DKK2: variants seen among roughly 807,000 people sequenced by gnomAD.
DKK2 encodes the protein dickkopf Wnt signaling pathway inhibitor 2, also known as dickkopf-related protein 2.
DKK2 carries 11 observed loss-of-function variants against 28.1 expected under a neutral mutation model. The ratio of observed to expected loss-of-function variants is 0.39; its 90% CI spans 0.25 to 0.65. The LOEUF is 0.65. DKK2 is among the 30% of genes least tolerant of loss of function. The pLI is 0.47. For synonymous variants in DKK2, 135 were observed against 126.5 expected (o/e 1.07, Z -0.45); for missense variants, 326 against 335.5 (o/e 0.97, Z 0.22).
intron 1 of DKK2, among the ~76,000 whole-genome samples, chr4:106,939,685 A>C (rs962082804): frequency 6.6e-6 from 1 of 152,230 alleles, no homozygotes; most frequent in Non-Finnish European, 1.5e-5. Context: ...AGCTGGAGGC[A>C]TCACACTACC....
intron 1 of DKK2, among the ~76,000 whole-genome samples, chr4:106,940,035 G>C (rs1196006373): frequency 6.6e-6 from 1 of 152,116 alleles, no homozygotes; most frequent in Non-Finnish European, 1.5e-5. Flanking sequence ...ATACCATTCA[G>C]GACATAGGCA....
intron 1 of DKK2, 25 bp downstream of exon 1, chr4:107,035,345 A>G (rs768196590): frequency 3.7e-6 from 6 of 1,612,750 alleles, no homozygotes; most frequent in African/African-American, 1.3e-5. Context: ...TTCTGTCTGA[A>G]GAATGTGTTT....
At chr4:107,012,188 T>C (rs1395109246) in intron 1 of DKK2, among the ~76,000 whole-genome samples, 1 of 151,372 alleles carries the variant, frequency 6.6e-6, no homozygotes, top group African/African-American at 2.4e-5. Context: ...AGGAAAAGTT[T>C]AAACACAGAT....
intron 1 of DKK2, among the ~76,000 whole-genome samples, chr4:106,970,251 A>G (rs1722851799): frequency 6.6e-6 from 1 of 152,072 alleles, no homozygotes; most frequent in South Asian, 2.1e-4. Context: ...ACTGTGTGGG[A>G]TTGTTTAATT....
intron 1 of DKK2, among the ~76,000 whole-genome samples, chr4:107,002,644 T>A (rs1723375985): frequency 6.6e-6 from 1 of 152,156 alleles, no homozygotes; most frequent in African/African-American, 2.4e-5. Context: ...GAGTCAAAAG[T>A]AAATTTGGTA....
chr4:106,995,717 A>G (rs1250969805), intron 1 of DKK2, among the ~76,000 whole-genome samples: 1 of 152,060 alleles, frequency 6.6e-6, no homozygotes, highest in African/African-American at 2.4e-5. Flanking sequence ...GGTTCAAGCG[A>G]TTCTCCTGCC....
At chr4:107,026,645 A>G (rs1723784877) in intron 1 of DKK2, among the ~76,000 whole-genome samples, 1 of 152,212 alleles carries the variant, frequency 6.6e-6, no homozygotes, top group Non-Finnish European at 1.5e-5. Context: ...AGACCAGAGC[A>G]CAGAATGAAT....
At chr4:107,012,831 T>C (rs7680108) in intron 1 of DKK2, among the ~76,000 whole-genome samples, 4,164 of 151,286 alleles carry the variant, frequency 0.028, 190 homozygotes, top group African/African-American at 0.093. Flanking sequence ...CCTTGACTCC[T>C]ATCTGCAGGT....
At chr4:106,951,702 A>G (rs1036552468) in intron 1 of DKK2, among the ~76,000 whole-genome samples, 1 of 152,170 alleles carries the variant, frequency 6.6e-6, no homozygotes, top group African/African-American at 2.4e-5. Flanking sequence ...TCTTGACAAT[A>G]AAGGTAAACA....
intron 1 of DKK2, among the ~76,000 whole-genome samples, chr4:106,995,444 T>C (rs1309408711): frequency 6.6e-6 from 1 of 152,202 alleles, no homozygotes; most frequent in East Asian, 1.9e-4. Flanking sequence ...TGAAATAAGA[T>C]ACACAGAACA....
intron 1 of DKK2, among the ~76,000 whole-genome samples, chr4:106,962,870 T>G (rs986008981): frequency 4.6e-5 from 7 of 151,684 alleles, no homozygotes; most frequent in Non-Finnish European, 1.0e-4. Flanking sequence ...GATAAAGGAT[T>G]AAAACCAGAA....
intron 1 of DKK2, among the ~76,000 whole-genome samples, chr4:106,994,513 A>C (rs1418150712): frequency 6.6e-6 from 1 of 151,868 alleles, no homozygotes; most frequent in African/African-American, 2.4e-5. Context: ...ACACACACAC[A>C]CACACATAGG....
chr4:106,953,163 G>C (rs993077687), intron 1 of DKK2, among the ~76,000 whole-genome samples: 16 of 152,126 alleles, frequency 1.1e-4, no homozygotes, highest in African/African-American at 3.1e-4. Flanking sequence ...TCAACTCCTT[G>C]TTCAAATTTT....
intron 1 of DKK2, among the ~76,000 whole-genome samples, chr4:106,987,435 C>T (rs147665351): frequency 1.5e-4 from 23 of 152,274 alleles, no homozygotes; most frequent in African/African-American, 4.8e-4. Context: ...ACCCACGTCC[C>T]TTTCTTGTGT....
intron 1 of DKK2, among the ~76,000 whole-genome samples, chr4:106,965,665 T>C (rs559411048): frequency 3.8e-4 from 57 of 151,282 alleles, no homozygotes; most frequent in Non-Finnish European, 1.9e-4. Flanking sequence ...TACATATGTA[T>C]ACATGTGCCA....
chr4:106,967,367 G>A (rs532620664), intron 1 of DKK2, among the ~76,000 whole-genome samples: 2 of 152,226 alleles, frequency 1.3e-5, no homozygotes, highest in African/African-American at 4.8e-5. Flanking sequence ...TAAACCTGAA[G>A]GATACCTAGG....
At chr4:106,971,935 C>A (rs1560583217) in intron 1 of DKK2, among the ~76,000 whole-genome samples, 1 of 152,034 alleles carries the variant, frequency 6.6e-6, no homozygotes, top group Non-Finnish European at 1.5e-5. Context: ...TCTTTTTCCA[C>A]TCCTGAAAAT....
At chr4:106,943,162 C>A (rs138265550) in intron 1 of DKK2, among the ~76,000 whole-genome samples, 1 of 152,226 alleles carries the variant, frequency 6.6e-6, no homozygotes, top group Non-Finnish European at 1.5e-5. Context: ...GCTGGCTGAC[C>A]ACCCCAGATA....
intron 1 of DKK2, among the ~76,000 whole-genome samples, chr4:106,962,835 T>C (rs1210253468): frequency 6.6e-6 from 1 of 151,718 alleles, no homozygotes; most frequent in Non-Finnish European, 1.5e-5. Context: ...TAGAATAGGA[T>C]AAAATATTAG....
Sources: gnomAD v4.1 joint callset for allele counts (sites outside exome capture counted in the v4.1 genomes callset) on GRCh38, gnomAD v4.1.1 for gene constraint, MANE v1.5 for transcripts, NCBI Gene and HGNC (gene_info 2026-07-23, HGNC 2026-07-21) for gene names.